The following STAC variants were observed in gnomAD, a reference collection of about 807,000 sequenced individuals.
STAC encodes SH3 and cysteine-rich domain-containing protein.
A neutral mutation model predicts 48.8 loss-of-function variants in STAC; 43 were observed. The ratio of observed to expected loss-of-function variants is 0.88; its 90% CI spans 0.69 to 1.14. The LOEUF (loss-of-function observed/expected upper bound fraction) is 1.14. Among genes scored for constraint, STAC ranks in the 50% most tolerant of loss-of-function variants. STAC has a pLI of 0.00. For missense variants in STAC, 497 were observed against 504.0 expected, an observed-to-expected ratio of 0.99 and a Z score of 0.13; for synonymous variants, 193 against 179.5, an observed-to-expected ratio of 1.07 and a Z score of -0.60.
At position 36,436,332 on chromosome 3, in the gene STAC, T is replaced by C. The variant is rs143440164; in HGVS notation, c.112-7032T>C. ...TACAGTCAGTATTCCACACAGCTGCTAGAGTGACCCTTTTAAATAAAAGTC... is the reference window on the plus strand; with the variant it reads ...TACAGTCAGTATTCCACACAGCTGCCAGAGTGACCCTTTTAAATAAAAGTC... On this transcript the variant is annotated intron_variant, in intron 1 of 10. Transcript: ENST00000273183. Among the ~76,000 whole-genome samples, 5 of 152,286 alleles carry C rather than the reference T, an allele frequency of 3.3e-5. No individual in the cohort carries two copies. The East Asian group carries it at 7.7e-4, about 24-fold the overall frequency.
intron 1 of STAC, among the ~76,000 whole-genome samples, chr3:36,390,498 A>T (rs985194369): frequency 6.5e-5 from 5 of 76,882 alleles, no homozygotes; most frequent in South Asian, 3.9e-4. Flanking sequence ...TATCTGATGG[A>T]TTATATTAAT....
chr3:36,390,451 C>CTTTTTT lies in STAC; in HGVS notation c.111+9713_111+9718dup, dbSNP rs59589769. Among the ~76,000 whole-genome samples the CTTTTTT allele has an allele frequency of 7.4e-3, 596 of 80,748 alleles. 1 individual carries two copies. The highest frequency in any genetic ancestry group is 8.5e-3 in the African/African-American group (201 of 23,766). 53.0% of individuals were successfully genotyped at this position (80,748 alleles called of 152,430 possible). On this transcript the variant is annotated intron_variant, in intron 1 of 10. Coordinates refer to ENST00000273183, the MANE Select transcript of STAC (RefSeq NM_003149.3). The stretch of plus-strand genomic sequence containing the variant: ...GAAGTAATCATGTGATTTTTCTTTT[C>CTTTTTT]TTTTTTTTTTTTTTTTTTTTTGTCC...
rs948737253 is a variant in STAC at position 36,546,355 on chromosome 3, T to C, written c.*66T>C. 19 of 1,416,502 alleles carry C rather than the reference T, an allele frequency of 1.3e-5. No homozygotes were observed. Among genetic ancestry groups the C allele is most frequent in the Non-Finnish European group, 1.8e-5 (18 of 1,001,008 alleles). 87.7% of individuals were successfully genotyped at this position (1,416,502 alleles called of 1,614,324 possible). A position where few individuals can be genotyped will look rare whatever the true frequency, so the allele number is the denominator to read the frequency against. On this transcript the variant is annotated 3_prime_UTR_variant, in exon 11 of 11. Coordinates refer to ENST00000273183, the MANE Select transcript of STAC (RefSeq NM_003149.3). ...GCGATGCCTCTGCCTCATCTCACAC[T>C]GCGTCAACCCAAAGGAGCTGCCGCA...
chr3:36,538,521 T>C (rs925463253), intron 10 of STAC, among the ~76,000 whole-genome samples: 2 of 152,214 alleles, frequency 1.3e-5, no homozygotes, highest in Admixed American at 1.3e-4. Context: ...TTTCTTAGGA[T>C]GTACTTTGGA....
intron 1 of STAC, among the ~76,000 whole-genome samples, chr3:36,395,358 G>A (rs1699835878): frequency 6.6e-6 from 1 of 152,174 alleles, no homozygotes; most frequent in Non-Finnish European, 1.5e-5. Context: ...GAGGTGAGTA[G>A]TCCAGTCTTT....
intron 1 of STAC, among the ~76,000 whole-genome samples, chr3:36,423,468 A>T (rs944709484): frequency 2.6e-5 from 4 of 151,492 alleles, no homozygotes; most frequent in African/African-American, 7.3e-5. Flanking sequence ...TAATAAAAAG[A>T]TCCCCAGTAT....
chr3:36,448,808 T>G (rs1575207150), intron 2 of STAC, among the ~76,000 whole-genome samples: 2 of 151,914 alleles, frequency 1.3e-5, no homozygotes, highest in Middle Eastern at 3.4e-3. Context: ...ACTGGCACAG[T>G]AGCTTGCACC....
chr3:36,425,474 A>C (rs2125648097), intron 1 of STAC, among the ~76,000 whole-genome samples: 1 of 152,354 alleles, frequency 6.6e-6, no homozygotes. Context: ...AGAACAATTC[A>C]TTGCAATATG....
At chr3:36,458,810 T>C (rs1250966315) in intron 2 of STAC, among the ~76,000 whole-genome samples, 2 of 152,196 alleles carry the variant, frequency 1.3e-5, no homozygotes, top group Non-Finnish European at 1.5e-5. Flanking sequence ...ACGTATGTAT[T>C]TGCATTTCCT....
chr3:36,441,621 T>C (rs1199499033), intron 1 of STAC, among the ~76,000 whole-genome samples: 1 of 152,188 alleles, frequency 6.6e-6, no homozygotes, highest in African/African-American at 2.4e-5. Flanking sequence ...AGCAGTGGGA[T>C]TGCTGAATCA....
At chr3:36,521,318 G>T (rs893964985) in intron 8 of STAC, among the ~76,000 whole-genome samples, 7 of 152,092 alleles carry the variant, frequency 4.6e-5, no homozygotes, top group Admixed American at 3.9e-4. Flanking sequence ...TGATTTAGTG[G>T]AGTTAGTTAT....
chr3:36,457,177 C>T (rs1312722883), intron 2 of STAC, among the ~76,000 whole-genome samples: 2 of 152,172 alleles, frequency 1.3e-5, no homozygotes, highest in African/African-American at 4.8e-5. Flanking sequence ...AGGTGATCAT[C>T]AGCAAATGGA....
intron 1 of STAC, among the ~76,000 whole-genome samples, chr3:36,411,159 T>C (rs1392452479): frequency 6.6e-6 from 1 of 152,204 alleles, no homozygotes; most frequent in Non-Finnish European, 1.5e-5. Flanking sequence ...AGAAATCCTG[T>C]AGACTACAAC....
intron 1 of STAC, among the ~76,000 whole-genome samples, chr3:36,438,925 C>T (rs1439069914): frequency 6.6e-6 from 1 of 152,188 alleles, no homozygotes; most frequent in Non-Finnish European, 1.5e-5. Flanking sequence ...GGCATGCATG[C>T]TCTTTTATCA....
At chr3:36,484,910 G>A in intron 3 of STAC, 67 bp from the exon 4 acceptor site, 1 of 1,309,592 alleles carries the variant, frequency 7.6e-7, no homozygotes, top group East Asian at 2.6e-5. Flanking sequence ...TTTATTTAGG[G>A]AGCTCTTGTA....
intron 5 of STAC, among the ~76,000 whole-genome samples, chr3:36,488,660 C>T (rs80168087): frequency 0.018 from 2,672 of 152,226 alleles, 22 homozygotes; most frequent in Non-Finnish European, 0.021. Flanking sequence ...TCATATTCCA[C>T]GAGTGATTAG....
chr3:36,423,502 A>T (rs2125646323), intron 1 of STAC, among the ~76,000 whole-genome samples: 1 of 151,802 alleles, frequency 6.6e-6, no homozygotes. Context: ...TAAAATCATG[A>T]TACAGAAAAA....
intron 2 of STAC, 83 bp from the exon 3 acceptor site, chr3:36,482,909 G>A: frequency 1.1e-6 from 1 of 877,096 alleles, no homozygotes; most frequent in Non-Finnish European, 1.8e-6. Flanking sequence ...ATTACCTGGG[G>A]AACCTCATTT....
chr3:36,527,737 A>G (rs1698968937), intron 8 of STAC, among the ~76,000 whole-genome samples: 1 of 152,190 alleles, frequency 6.6e-6, no homozygotes, highest in Non-Finnish European at 1.5e-5. Flanking sequence ...CAGCCTTCCA[A>G]TTGTCACAGC....
Sources: gnomAD v4.1 joint callset for allele counts (sites outside exome capture counted in the v4.1 genomes callset) on GRCh38, gnomAD v4.1.1 for gene constraint, MANE v1.5 for transcripts, NCBI Gene and HGNC (gene_info 2026-07-23, HGNC 2026-07-21) for gene names.